The following VILL variants were observed in gnomAD, a reference collection of about 807,000 sequenced individuals.
The protein encoded by VILL is villin like.
VILL carries 102 observed loss-of-function variants against 106.3 expected under a neutral mutation model. That is an observed-to-expected ratio of 0.96 (90% CI 0.82 to 1.13). The LOEUF is 1.13. Ranked by LOEUF, VILL falls within the 50% of genes most tolerant of loss-of-function variation. VILL has a pLI of 0.00. For missense variants in VILL, 1,076 were observed against 1,116.6 expected (o/e 0.96, Z 0.52); for synonymous variants, 431 against 440.3 (o/e 0.98, Z 0.27).
rs769034274 is a variant in VILL at position 38,006,405 on chromosome 3, A to G, written c.2206-44A>G. 8 of 1,580,222 alleles carry G rather than the reference A, an allele frequency of 5.1e-6. No individual in the cohort carries two copies. In the Admixed American group the frequency reaches 1.2e-4, roughly 24 times the overall value. ...GTTCAGTGCAGCCTCCCTGTGGGCT[A>G]CTGATTCCCCATCTTCCCCAGCCTG... On this transcript the variant is annotated intron_variant, in intron 18 of 19. Coordinates refer to ENST00000383759, the MANE Select transcript of VILL (RefSeq NM_015873.4).
In VILL at chr3:37,991,745, G is replaced by A. The variant is rs1699613486; in HGVS notation, c.-87+916G>A. ...TTCCCACTTGGGAAGGTGGTGAAAG[G>A]GAGTTCCCCAGAGGAAAGAGGGCAG... On this transcript the variant is annotated intron_variant, in intron 1 of 19. Coordinates refer to ENST00000383759, the MANE Select transcript of VILL (RefSeq NM_015873.4). Among the ~76,000 whole-genome samples, 5 of 151,968 alleles carry A rather than the reference G, an allele frequency of 3.3e-5. No homozygotes were observed. In the South Asian group the frequency reaches 1.0e-3, roughly 32 times the overall value.
chr3:37,997,378 A>G lies in VILL; in HGVS notation c.562-105A>G. Reference sequence around the variant, plus strand: ...CTGGATGCCAGGATGAGGGGACATCAGCCCTTCTCCCCATCAGCCTCTGGG... The same window carrying G: ...CTGGATGCCAGGATGAGGGGACATCGGCCCTTCTCCCCATCAGCCTCTGGG... On this transcript the variant is annotated intron_variant, in intron 6 of 19. Transcript: ENST00000383759. This position sits in a 1 kb window ranked among gnomAD's most constrained non-coding sequence, Gnocchi z 4.7. The G allele has an allele frequency of 7.6e-7, 1 of 1,308,936 alleles. No homozygotes were observed. The highest frequency in any genetic ancestry group is 1.3e-5 in the South Asian group (1 of 77,882). 81.1% of individuals were successfully genotyped at this position (1,308,936 alleles called of 1,614,324 possible).
rs1229339257 is a variant in VILL, at chr3:37,999,327, T to TC, written c.1082-6dup. The TC allele has an allele frequency of 1.3e-6, 2 of 1,503,916 alleles. No homozygotes were observed. Among genetic ancestry groups the TC allele is most frequent in the Non-Finnish European group, 8.9e-7 (1 of 1,126,936 alleles). 93.2% of individuals were successfully genotyped at this position (1,503,916 alleles called of 1,614,324 possible). On this transcript the variant is annotated splice_polypyrimidine_tract_variant and intron_variant, in intron 10 of 19. Coordinates refer to ENST00000383759, the MANE Select transcript of VILL (RefSeq NM_015873.4). Reference sequence around the variant, plus strand: ...CAGAGGGCGCCACTGACGCCTACTGTCCCCCCTTCAGATAAATCGATTCAT... The same window carrying TC: ...CAGAGGGCGCCACTGACGCCTACTGTCCCCCCCTTCAGATAAATCGATTCAT...
Position 37,997,729 on chromosome 3 carries a change from G to T in VILL, c.764+44G>T. On this transcript the variant is annotated intron_variant, in intron 7 of 19. Coordinates refer to ENST00000383759, the MANE Select transcript of VILL (RefSeq NM_015873.4). The surrounding 1 kb of genome is among the most constrained non-coding windows in gnomAD (Gnocchi z 4.7). ...GGCAGGGGTGGGTGGGACAGTCCAG[G>T]ACTCTGTGTCCATCACTACTGCAAT... The T allele has an allele frequency of 6.4e-7, 1 of 1,572,314 alleles. No homozygotes were observed. Among genetic ancestry groups the T allele is most frequent in the South Asian group, 1.1e-5 (1 of 88,608 alleles).
intron 15 of VILL, chr3:38,003,680 T>A: frequency 4.1e-6 from 1 of 243,206 alleles, no homozygotes; most frequent in Non-Finnish European, 8.2e-6. Context: ...GTATACAGTG[T>A]GTGTGGATGT....
In VILL at chr3:37,997,229, C is replaced by A; in HGVS notation, c.561+42C>A. On this transcript the variant is annotated intron_variant, in intron 6 of 19. Transcript: ENST00000383759. The surrounding 1 kb of genome is among the most constrained non-coding windows in gnomAD (Gnocchi z 4.7). The stretch of plus-strand genomic sequence containing the variant: ...GGAACTGGGGAGTACGGGGCTTGGG[C>A]GGGGAATGATCCTCCAGTTGACCAT... 3 of 1,589,632 alleles carry A rather than the reference C, an allele frequency of 1.9e-6. No homozygotes were observed. The South Asian group carries it at 3.3e-5, about 18-fold the overall frequency.
Position 38,004,542 on chromosome 3 carries a change from C to T in VILL, c.1950+143C>T, listed in dbSNP as rs188920610. Reference sequence around the variant, plus strand: ...ACCCTGTCACTGAGCAATTGCATTGCGGTGCATATGAGACCATGGATGAGT... The same window carrying T: ...ACCCTGTCACTGAGCAATTGCATTGTGGTGCATATGAGACCATGGATGAGT... On this transcript the variant is annotated intron_variant, in intron 16 of 19. Transcript: ENST00000383759. 3.5e-5 allele frequency: 38 copies of T among 1,091,720 alleles called. No homozygotes were observed. The African/African-American group carries it at 5.2e-4, about 15-fold the overall frequency. 67.6% of individuals were successfully genotyped at this position (1,091,720 alleles called of 1,614,324 possible).
intron 16 of VILL, 34 bp from the exon 17 acceptor site, chr3:38,005,758 A>G (rs1699906238): frequency 3.2e-6 from 5 of 1,579,730 alleles, no homozygotes; most frequent in Admixed American, 1.7e-5. Context: ...CAGCCCCTCC[A>G]CCTGCCCAAG....
At chr3:37,992,979 C>A (rs1180941710) in intron 1 of VILL, among the ~76,000 whole-genome samples, 1 of 152,200 alleles carries the variant, frequency 6.6e-6, no homozygotes, top group Non-Finnish European at 1.5e-5. Context: ...GAAGGACTAA[C>A]ACACCAGGGT....
chr3:37,993,707 G>A lies in VILL; in HGVS notation c.35G>A (p.Gly12Glu). The change falls in exon 2 of 20, where the codon GGA becomes GAA. Residue 12 changes from glycine to glutamate, a missense_variant. Coordinates refer to ENST00000383759, the MANE Select transcript of VILL (RefSeq NM_015873.4). ...DISKGLPGMQ[G>E]GLHIWISENR... ...AGCAAGGGCCTCCCAGGCATGCAGG[G>A]AGGCCTCCACATATGGATCTCTGAG... The A allele has an allele frequency of 6.2e-7, 1 of 1,614,148 alleles. No homozygotes were observed.
At chr3:37,990,221 C>A (rs1699592957), upstream of VILL, among the ~76,000 whole-genome samples, 1 of 152,310 alleles carries the variant, frequency 6.6e-6, no homozygotes, top group East Asian at 1.9e-4. This position sits in a 1 kb window ranked among gnomAD's most constrained non-coding sequence, Gnocchi z 5.1. Context: ...GCTGGACTGG[C>A]CTCTCCCATG....
At chr3:38,004,558 A>G (rs995522445) in intron 16 of VILL, among the ~76,000 whole-genome samples, 159 bp downstream of exon 16, 7 of 152,170 alleles carry the variant, frequency 4.6e-5, no homozygotes, top group African/African-American at 1.7e-4. Flanking sequence ...ATATGAGACC[A>G]TGGATGAGTG....
rs780791233 is a variant in VILL at position 38,005,870 on chromosome 3, C to T, written c.2029C>T (p.Pro677Ser). Residue 677 changes from proline (P) to serine (S), a missense_variant, in exon 17 of 20, where the codon CCA becomes TCA. By Grantham distance (74) the Pro-to-Ser change is moderately conservative. Coordinates refer to ENST00000383759, the MANE Select transcript of VILL (RefSeq NM_015873.4). ...AWGQEYLKTH[P>S]AGRSPATPIV... The stretch of plus-strand genomic sequence containing the variant: ...GGGCCAGGAGTACCTGAAGACTCAC[C>T]CAGCAGGGAGGAGCCCGGCCACACC... 30 of 1,613,950 alleles carry T rather than the reference C, an allele frequency of 1.9e-5. No homozygotes were observed.
chr3:38,002,520 C>T lies in VILL; in HGVS notation c.1604C>T (p.Ser535Phe). The T allele has an allele frequency of 6.2e-7, 1 of 1,614,224 alleles. No homozygotes were observed. Among genetic ancestry groups the T allele is most frequent in the South Asian group, 1.1e-5 (1 of 91,090 alleles). Residue 535 changes from serine (S) to phenylalanine (F), a missense_variant, in exon 14 of 20, where the codon TCC becomes TTC. By Grantham distance (155) the Ser-to-Phe change is radical. Coordinates refer to ENST00000383759, the MANE Select transcript of VILL (RefSeq NM_015873.4). ...CCAGCCCGTGCCTCATCCCTCAACT[C>T]CAGTGACATCTTCTTGCTGGTCACA... ...EVPARASSLN[S>F]SDIFLLVTAS...
chr3:37,997,010 C>T lies in VILL; in HGVS notation c.451-67C>T. 1 of 1,437,282 alleles carries T rather than the reference C, an allele frequency of 7.0e-7. No individual in the cohort carries two copies. Among genetic ancestry groups the T allele is most frequent in the Non-Finnish European group, 9.8e-7 (1 of 1,023,724 alleles). The allele number at this position is 1,437,282 out of a possible 1,614,324, so 89.0% of individuals were successfully genotyped here. ...CAGCTTCATGCACACGTGACACATCCCAGCTATGCTCCCCTCTAGCGGATG... is the reference window on the plus strand; with the variant it reads ...CAGCTTCATGCACACGTGACACATCTCAGCTATGCTCCCCTCTAGCGGATG... On this transcript the variant is annotated intron_variant, in intron 5 of 19. Transcript: ENST00000383759. This position sits in a 1 kb window ranked among gnomAD's most constrained non-coding sequence, Gnocchi z 4.7.
intron 15 of VILL, chr3:38,004,048 G>A (rs1009158221): frequency 1.4e-5 from 8 of 560,340 alleles, no homozygotes; most frequent in African/African-American, 3.7e-5. Context: ...TCACAGCTGG[G>A]TGGGGCGAGA....
rs1183600311 is a variant in VILL at position 37,990,889 on chromosome 3, G to C, written c.-87+60G>C. Reference sequence around the variant, plus strand: ...TCCAGGGAACCAGTGGGGCAGAGTGGGCTATTCAAGTCAAGGGCATAGAGC... The same window carrying C: ...TCCAGGGAACCAGTGGGGCAGAGTGCGCTATTCAAGTCAAGGGCATAGAGC... On this transcript the variant is annotated intron_variant, in intron 1 of 19. Coordinates refer to ENST00000383759, the MANE Select transcript of VILL (RefSeq NM_015873.4). The surrounding 1 kb of genome is among the most constrained non-coding windows in gnomAD (Gnocchi z 5.1). 6.6e-6 allele frequency: 1 copy of C among 152,418 alleles called. No homozygotes were observed. Among genetic ancestry groups the C allele is most frequent in the Non-Finnish European group, 1.5e-5 (1 of 68,206 alleles). 9.4% of individuals were successfully genotyped at this position (152,418 alleles called of 1,614,324 possible).
intron 13 of VILL, 54 bp downstream of exon 13, chr3:38,001,914 T>C (rs771459441): frequency 3.5e-5 from 57 of 1,611,730 alleles, no homozygotes; most frequent in Non-Finnish European, 4.5e-5. Context: ...GCATGGGCCA[T>C]GGCCCCCGCA....
rs921402906 is a variant in VILL, at chr3:37,994,295, C to A, written c.170C>A (p.Ser57Tyr). The part of the protein sequence containing the change: ...PQSPKATQGA[S>Y]SDLHYWVGKQ... ...AGCCCGAAGGCCACGCAGGGGGCGT[C>A]CAGCGACCTGCACTACTGGGTCGGG... Residue 57 changes from serine (S) to tyrosine (Y), a missense_variant, in exon 4 of 20, where the codon TCC (serine) becomes TAC (tyrosine). Physicochemically the swap from Ser to Tyr is moderately radical, Grantham distance 144. Transcript: ENST00000383759. The A allele has an allele frequency of 6.2e-7, 1 of 1,611,436 alleles. No homozygotes were observed. The highest frequency in any genetic ancestry group is 1.7e-5 in the Admixed American group (1 of 59,944).
Sources: gnomAD v4.1 joint callset for allele counts (sites outside exome capture counted in the v4.1 genomes callset) on GRCh38, gnomAD v4.1.1 for gene constraint, Gnocchi (gnomAD v3.1) non-coding constraint, MANE v1.5 for transcripts, NCBI Gene and HGNC (gene_info 2026-07-23, HGNC 2026-07-21) for gene names.